ADAM10: variants seen among roughly 807,000 people sequenced by gnomAD.
The protein encoded by ADAM10 is ADAM metallopeptidase domain 10, also known as disintegrin and metalloproteinase domain-containing protein 10.
A neutral mutation model predicts 90.1 loss-of-function variants in ADAM10; 17 were observed. That is an observed-to-expected ratio of 0.19 (90% CI 0.13 to 0.28). ADAM10 has a LOEUF of 0.28. Ranked by LOEUF, ADAM10 falls within the 10% of genes least tolerant of loss-of-function variation. The probability of loss-of-function intolerance (pLI) is 1.00; values close to 1 mark genes in which losing one functional copy is unlikely to be tolerated. For synonymous variants in ADAM10, 310 were observed against 298.6 expected (o/e 1.04, Z -0.40); for missense variants, 610 against 914.3 (o/e 0.67, Z 4.29).
chr15:58,737,753 T>C (rs557113779), intron 1 of ADAM10, among the ~76,000 whole-genome samples: 1 of 152,328 alleles, frequency 6.6e-6, no homozygotes, highest in East Asian at 1.9e-4. Context: ...AAAAGCTTCC[T>C]TCCCAATCCT....
chr15:58,655,913 A>T (rs958015869), intron 5 of ADAM10, among the ~76,000 whole-genome samples: 13 of 149,602 alleles, frequency 8.7e-5, no homozygotes, highest in Non-Finnish European at 1.8e-4. Flanking sequence ...CACCCAGCTA[A>T]TTTTTCTATT....
intron 6 of ADAM10, among the ~76,000 whole-genome samples, chr15:58,644,556 T>A (rs1896501389): frequency 6.6e-6 from 1 of 152,188 alleles, no homozygotes. Context: ...TTCAGTCACA[T>A]AAAAATTTTG....
rs748354509 is a variant in ADAM10, at chr15:58,643,987, T to TA, written c.736-10dup. On this transcript the variant is annotated splice_polypyrimidine_tract_variant and intron_variant, in intron 6 of 15. Transcript: ENST00000260408. ...TTAACATGACTGGATATCTATGATT[T>TA]AAAAAAAAGAACATTTTAGAGGCAA... 37 of 1,581,432 alleles carry TA rather than the reference T, an allele frequency of 2.3e-5. No individual in the cohort carries two copies. The highest frequency in any genetic ancestry group is 4.0e-5 in the African/African-American group (3 of 74,244).
At chr15:58,742,734 AACAG>A (rs1242805356) in intron 1 of ADAM10, among the ~76,000 whole-genome samples, 1 of 152,204 alleles carries the variant, frequency 6.6e-6, no homozygotes, top group African/African-American at 2.4e-5. Flanking sequence ...TATAAAAATC[AACAG>A]CTAGACTACT....
At chr15:58,739,344 A>C (rs1440617931) in intron 1 of ADAM10, among the ~76,000 whole-genome samples, 6 of 150,642 alleles carry the variant, frequency 4.0e-5, no homozygotes, top group Non-Finnish European at 1.5e-5. Flanking sequence ...GTCTCTACCA[A>C]AAATACAAAA....
At chr15:58,606,083 T>G (rs1246032881) in intron 14 of ADAM10, among the ~76,000 whole-genome samples, 6 of 152,156 alleles carry the variant, frequency 3.9e-5, no homozygotes, top group African/African-American at 1.4e-4. Flanking sequence ...AATACTGCAG[T>G]GTTCAACAAC....
intron 1 of ADAM10, chr15:58,748,977 G>A (rs1300696349): frequency 2.5e-6 from 1 of 399,156 alleles, no homozygotes; most frequent in East Asian, 3.6e-5. Flanking sequence ...AACTTCCCAC[G>A]AGTCTGCGCG....
intron 2 of ADAM10, among the ~76,000 whole-genome samples, chr15:58,696,272 AGTGAGACCCT>A (rs1897975174): frequency 6.7e-6 from 1 of 149,186 alleles, no homozygotes; most frequent in Non-Finnish European, 1.5e-5. Flanking sequence ...TGGGTGACAG[AGTGAGACCCT>A]GTCTCAAAAA....
chr15:58,610,973 T>C, intron 13 of ADAM10, 26 bp downstream of exon 13: 1 of 1,553,596 alleles, frequency 6.4e-7, no homozygotes, highest in East Asian at 2.2e-5. Flanking sequence ...GCAAATTTTA[T>C]ACTCTTGTGT....
chr15:58,645,320 C>T (rs945794256), intron 6 of ADAM10, among the ~76,000 whole-genome samples: 2 of 152,176 alleles, frequency 1.3e-5, no homozygotes, highest in Admixed American at 1.3e-4. Flanking sequence ...GTTTTCCTCA[C>T]TAGCTTCTCT....
intron 14 of ADAM10, chr15:58,609,993 G>C (rs1035548287): frequency 9.4e-6 from 3 of 318,744 alleles, no homozygotes; most frequent in East Asian, 1.3e-4. Context: ...TGTTTTTTAA[G>C]TCCCATGAAA....
intron 8 of ADAM10, 115 bp from the exon 9 acceptor site, chr15:58,633,474 G>T: frequency 1.1e-6 from 1 of 873,164 alleles, no homozygotes; most frequent in Non-Finnish European, 1.8e-6. Flanking sequence ...AATAGAACTG[G>T]TACTCAAACG....
rs1262194862 is a variant in ADAM10, at chr15:58,745,041, G to A, written c.55+4439C>T. On this transcript the variant is annotated intron_variant, in intron 1 of 15. Transcript: ENST00000260408. ...CTAGTAAAAATACAAAAATTAGCCA[G>A]GCGTGGTGGTGCGCACCTGTAGTCC... Among the ~76,000 whole-genome samples the A allele has an allele frequency of 2.6e-5, 4 of 152,204 alleles. No individual in the cohort carries two copies. The East Asian group carries it at 5.8e-4, about 22-fold the overall frequency.
chr15:58,691,226 G>A lies in ADAM10; in HGVS notation c.207-8912C>T, dbSNP rs7161889. ...GCCTGCAGAGGTTCTCAAACTTTAC[G>A]TTGCTCTCCTCCATTATCTTCTTCT... On this transcript the variant is annotated intron_variant, in intron 2 of 15. Coordinates refer to ENST00000260408, the MANE Select transcript of ADAM10 (RefSeq NM_001110.4). 26 of 857,450 alleles carry A rather than the reference G, an allele frequency of 3.0e-5. 1 individual carries two copies. Among genetic ancestry groups the A allele is most frequent in the South Asian group, 1.7e-4 (13 of 75,210 alleles). The allele number at this position is 857,450 out of a possible 1,614,324, so 53.1% of individuals were successfully genotyped here.
At chr15:58,730,405 C>T (rs1595664016) in intron 1 of ADAM10, among the ~76,000 whole-genome samples, 1 of 152,214 alleles carries the variant, frequency 6.6e-6, no homozygotes, top group African/African-American at 2.4e-5. Context: ...TGCTTTCACA[C>T]AACAGCAGAG....
chr15:58,747,363 C>T (rs1423508622), intron 1 of ADAM10: 1 of 152,032 alleles, frequency 6.6e-6, no homozygotes, highest in African/African-American at 2.4e-5. Flanking sequence ...GTGGAAGCAA[C>T]AAAAAGGATT....
In ADAM10 at chr15:58,655,681, T is replaced by C. The variant is rs548531746; in HGVS notation, c.585+9416A>G. ...ACATACATACATACATACATACATA[T>C]ATATATTATATATAGTATATATATA... On this transcript the variant is annotated intron_variant, in intron 5 of 15. Transcript: ENST00000260408. 1.7e-4 allele frequency among the ~76,000 whole-genome samples: 16 copies of C among 91,440 alleles called. 1 individual carries two copies. Among genetic ancestry groups the C allele is most frequent in the African/African-American group, 6.4e-4 (10 of 15,560 alleles). The allele number at this position is 91,440 out of a possible 152,430, so 60.0% of individuals were successfully genotyped here. A position where few individuals can be genotyped will look rare whatever the true frequency, so the allele number is the denominator to read the frequency against.
At chr15:58,675,774 T>C (rs1897292013) in intron 4 of ADAM10, among the ~76,000 whole-genome samples, 1 of 152,186 alleles carries the variant, frequency 6.6e-6, no homozygotes, top group Non-Finnish European at 1.5e-5. Context: ...CAGTATCATT[T>C]TTCATGATGG....
intron 11 of ADAM10, among the ~76,000 whole-genome samples, chr15:58,616,857 C>T (rs1296605446): frequency 6.6e-6 from 1 of 151,944 alleles, no homozygotes; most frequent in African/African-American, 2.4e-5. Context: ...GTCTATAATC[C>T]CAGCACTTTG....
Sources: gnomAD v4.1 joint callset for allele counts (sites outside exome capture counted in the v4.1 genomes callset) on GRCh38, gnomAD v4.1.1 for gene constraint, MANE v1.5 for transcripts, NCBI Gene and HGNC (gene_info 2026-07-23, HGNC 2026-07-21) for gene names.